OPRM1: variants seen among roughly 807,000 people sequenced by gnomAD.
OPRM1 encodes the protein mu-type opioid receptor.
A neutral mutation model predicts 31.8 loss-of-function variants in OPRM1; 27 were observed. The observed-to-expected ratio is 0.85, with a 90% CI of 0.63 to 1.17. The LOEUF (loss-of-function observed/expected upper bound fraction) is 1.17, where lower values mean the gene tolerates loss of function less well. OPRM1 is among the 50% of genes most tolerant of loss of function. The pLI is 0.00. For synonymous variants in OPRM1, 196 were observed against 189.9 expected (o/e 1.03, Z -0.26); for missense variants, 536 against 511.1 (o/e 1.05, Z -0.47).
At position 154,111,355 on chromosome 6, in the gene OPRM1, C is replaced by T. The variant is rs530178095; in HGVS notation, c.1165-7328C>T. Among the ~76,000 whole-genome samples the T allele has an allele frequency of 8.9e-4, 135 of 152,242 alleles. 5 individuals are homozygous for T. In the South Asian group the frequency reaches 0.023, roughly 26 times the overall value. On this transcript the variant is annotated intron_variant, in intron 3 of 3. Transcript: ENST00000330432. ...TATTTCTGGCTCAAACTCTGATTGG[C>T]TTCAAAAGTACCCAAGCCTGTTATT...
At chr6:154,171,055 A>C (rs188363362) in intron 3 of OPRM1, among the ~76,000 whole-genome samples, 154 of 152,288 alleles carry the variant, frequency 1.0e-3, no homozygotes, top group Non-Finnish European at 1.7e-3. Context: ...GCCACTTTAG[A>C]AAATAGTTTG....
chr6:154,246,534 C>A (rs1562564882), intron 3 of OPRM1: 4 of 1,533,552 alleles, frequency 2.6e-6, no homozygotes, highest in Non-Finnish European at 3.5e-6. Flanking sequence ...TCACCTGATG[C>A]CTTTAACGTA....
At chr6:154,191,055 CA>C (rs1164041474) in intron 3 of OPRM1, among the ~76,000 whole-genome samples, 8 of 151,622 alleles carry the variant, frequency 5.3e-5, no homozygotes, top group African/African-American at 1.7e-4. Context: ...GACTCCATCT[CA>C]AAAAAAGAAA....
At chr6:154,053,976 A>G (rs1366996525) in intron 1 of OPRM1, among the ~76,000 whole-genome samples, 2 of 152,168 alleles carry the variant, frequency 1.3e-5, no homozygotes, top group Non-Finnish European at 2.9e-5. Context: ...CATCAGAGCC[A>G]TTATATAAAT....
Position 154,099,400 on chromosome 6 carries a change from TAAAG to T in OPRM1, c.1164+7938_1164+7941del, listed in dbSNP as rs1238803852. ...GAGAAAGAAAGAGAAAGAAAGAAAG[TAAAG>T]AAAGAAAGAGAGAAAGAGAAAGAAA... On this transcript the variant is annotated intron_variant, in intron 3 of 3. Transcript: ENST00000330432. Among the ~76,000 whole-genome samples, 41 of 56,156 alleles carry T rather than the reference TAAAG, an allele frequency of 7.3e-4. 2 individuals carry two copies. The East Asian group carries it at 0.012, about 16-fold the overall frequency. The allele number at this position is 56,156 out of a possible 152,430, so 36.8% of individuals were successfully genotyped here.
rs1797182759 is a variant in OPRM1, at chr6:154,119,392, A to G, written c.*671A>G. ...GCTGTAGAAAGGTTGATTCTCATGC[A>G]CTGCAAATACTTCCAAAGAGTCATC... On this transcript the variant is annotated 3_prime_UTR_variant, in exon 4 of 4. Coordinates refer to ENST00000330432, the MANE Select transcript of OPRM1 (RefSeq NM_000914.5). 6.1e-6 allele frequency: 6 copies of G among 985,400 alleles called. No individual in the cohort carries two copies. Among genetic ancestry groups the G allele is most frequent in the Non-Finnish European group, 7.2e-6 (6 of 829,882 alleles). 61.0% of individuals were successfully genotyped at this position (985,400 alleles called of 1,614,324 possible).
intron 3 of OPRM1, among the ~76,000 whole-genome samples, chr6:154,161,199 TTTTTC>T (rs747795945): frequency 1.5e-4 from 23 of 151,772 alleles, no homozygotes; most frequent in African/African-American, 4.6e-4. Flanking sequence ...TTACCCAATT[TTTTTC>T]TTTTCTTTTC....
intron 3 of OPRM1, among the ~76,000 whole-genome samples, chr6:154,112,397 G>T (rs1207745413): frequency 6.6e-6 from 1 of 152,220 alleles, no homozygotes; most frequent in Non-Finnish European, 1.5e-5. Context: ...GCTAATGCCA[G>T]TTCCTTTGCC....
At chr6:154,158,915 T>C (rs1214904684) in intron 3 of OPRM1, 14 of 152,234 alleles carry the variant, frequency 9.2e-5, no homozygotes, top group Admixed American at 8.5e-4. Context: ...TTTGTTTTTT[T>C]GTTTTTTTGA....
intron 2 of OPRM1, 130 bp downstream of exon 2, chr6:154,090,308 GC>G: frequency 1.6e-6 from 1 of 643,668 alleles, no homozygotes; most frequent in South Asian, 2.1e-5. Flanking sequence ...ATTCTTCCTA[GC>G]AAAAAAAGCC....
chr6:154,033,361 A>G (rs1013902444), intron 1 of OPRM1, among the ~76,000 whole-genome samples: 6 of 152,216 alleles, frequency 3.9e-5, no homozygotes, highest in African/African-American at 1.4e-4. Flanking sequence ...GAAAACATGA[A>G]TAAAGTGCCA....
intron 1 of OPRM1, among the ~76,000 whole-genome samples, chr6:154,024,037 G>C (rs151308277): frequency 1.7e-3 from 257 of 152,140 alleles, no homozygotes; most frequent in African/African-American, 5.8e-3. Context: ...TTTGGTATCA[G>C]GGTAATATTG....
At chr6:154,188,500 G>C (rs1001421542) in intron 3 of OPRM1, among the ~76,000 whole-genome samples, 3 of 152,226 alleles carry the variant, frequency 2.0e-5, no homozygotes, top group African/African-American at 7.2e-5. Flanking sequence ...GCACGCATGT[G>C]CATGTGTGTG....
intron 3 of OPRM1, among the ~76,000 whole-genome samples, chr6:154,148,230 A>G (rs1057477272): frequency 6.6e-6 from 1 of 152,230 alleles, no homozygotes; most frequent in African/African-American, 2.4e-5. Flanking sequence ...CACTGTATCA[A>G]GGAAAGGCCA....
chr6:154,202,519 C>T (rs778638967), intron 3 of OPRM1, among the ~76,000 whole-genome samples: 2 of 152,134 alleles, frequency 1.3e-5, no homozygotes, highest in Non-Finnish European at 2.9e-5. Flanking sequence ...TAGTAAAATT[C>T]AACTTCTATG....
chr6:154,160,104 C>T, intron 3 of OPRM1: 1 of 1,240,964 alleles, frequency 8.1e-7, no homozygotes, highest in Non-Finnish European at 1.2e-6. Flanking sequence ...CATAAACCAT[C>T]TTTACCAACT....
At chr6:154,068,483 T>C (rs1480982600) in intron 1 of OPRM1, among the ~76,000 whole-genome samples, 3 of 152,170 alleles carry the variant, frequency 2.0e-5, no homozygotes, top group Non-Finnish European at 2.9e-5. Context: ...CCTGGCTTAT[T>C]GCACTCAACA....
In OPRM1 at chr6:154,184,757, TA is replaced by T. The variant is rs1420742341; in HGVS notation, c.1165-61935del. Among the ~76,000 whole-genome samples the T allele has an allele frequency of 3.4e-5, 5 of 148,052 alleles. No homozygotes were observed. In the South Asian group the frequency reaches 9.2e-4, roughly 27 times the overall value. On this transcript the variant is annotated intron_variant, in intron 3 of 3. Coordinates refer to the OPRM1 transcript ENST00000337049. ...GGAAAATGCTGGTAAAGGAAATCTT[TA>T]TTTTTTCTTGGTATCTTTCCAGATT... is the stretch of plus-strand genomic sequence containing the variant.
intron 3 of OPRM1, among the ~76,000 whole-genome samples, chr6:154,235,948 T>C (rs930415572): frequency 6.6e-6 from 1 of 152,194 alleles, no homozygotes; most frequent in African/African-American, 2.4e-5. Flanking sequence ...GTTCCAGTTC[T>C]ATGGTTGGGA....
Sources: gnomAD v4.1 joint callset for allele counts (sites outside exome capture counted in the v4.1 genomes callset) on GRCh38, gnomAD v4.1.1 for gene constraint, MANE v1.5 for transcripts, NCBI Gene and HGNC (gene_info 2026-07-23, HGNC 2026-07-21) for gene names.